Variants in STIM1 observed in about 807,000 individuals in gnomAD.
The protein encoded by STIM1 is stromal interaction molecule 1.
A neutral mutation model predicts 74.7 loss-of-function variants in STIM1; 25 were observed. The ratio of observed to expected loss-of-function variants is 0.33; its 90% CI spans 0.24 to 0.47. STIM1 has a LOEUF of 0.47. Among genes scored for constraint, STIM1 ranks in the 20% least tolerant of loss-of-function variants. The pLI, the probability that STIM1 is intolerant of heterozygous loss-of-function variation, is 1.00. For missense variants in STIM1, 728 were observed against 920.8 expected, an observed-to-expected ratio of 0.79 and a Z score of 2.71; for synonymous variants, 328 against 348.8, an observed-to-expected ratio of 0.94 and a Z score of 0.66.
At chr11:3,908,082 C>T (rs574551974) in intron 1 of STIM1, among the ~76,000 whole-genome samples, 1 of 152,220 alleles carries the variant, frequency 6.6e-6, no homozygotes, top group Non-Finnish European at 1.5e-5. Context: ...CTTGCACCCC[C>T]ACTCCCTGTT....
chr11:3,958,738 G>A (rs2093248884), intron 1 of STIM1, among the ~76,000 whole-genome samples: 1 of 152,046 alleles, frequency 6.6e-6, no homozygotes, highest in East Asian at 1.9e-4. Context: ...GGGAGACTGA[G>A]GCGGGTGGAT....
chr11:4,063,606 G>C (rs781379331), intron 5 of STIM1, among the ~76,000 whole-genome samples: 1 of 152,124 alleles, frequency 6.6e-6, no homozygotes, highest in Non-Finnish European at 1.5e-5. Flanking sequence ...TCACTTTATT[G>C]CTATATTAGC....
chr11:3,928,424 A>G (rs530086759), intron 1 of STIM1, among the ~76,000 whole-genome samples: 30 of 152,116 alleles, frequency 2.0e-4, no homozygotes, highest in African/African-American at 7.0e-4. Flanking sequence ...ACGAAGTTTC[A>G]CCGTGTTGGC....
In STIM1 at chr11:4,070,032, G is replaced by T. The variant is rs745319940; in HGVS notation, c.620G>T (p.Arg207Leu). 6.2e-7 allele frequency: 1 copy of T among 1,614,036 alleles called. No individual in the cohort carries two copies. The highest frequency in any genetic ancestry group is 1.7e-5 in the Admixed American group (1 of 60,014). The change falls in exon 6 of 13, where the codon CGC (arginine) becomes CTC (leucine). Residue 207 changes from arginine to leucine, a missense_variant. By Grantham distance (102) the Arg-to-Leu change is moderately radical. Coordinates refer to ENST00000526596, the MANE Select transcript of STIM1 (RefSeq NM_001382567.1). ...TVLFGPPLLT[R>L]HNHLKDFMLV... ...GCCCTCCCCTCTCTGGCAGTGACTCGCCATAATCACCTCAAGGACTTCATG... is the reference window on the plus strand; with the variant it reads ...GCCCTCCCCTCTCTGGCAGTGACTCTCCATAATCACCTCAAGGACTTCATG...
chr11:4,006,153 C>G (rs1363679062), intron 2 of STIM1, among the ~76,000 whole-genome samples: 1 of 152,144 alleles, frequency 6.6e-6, no homozygotes, highest in African/African-American at 2.4e-5. Context: ...ACCATCCCCT[C>G]TCAGTATTGA....
chr11:3,877,049 G>GT (rs2091327287), intron 1 of STIM1, among the ~76,000 whole-genome samples: 1 of 151,956 alleles, frequency 6.6e-6, no homozygotes, highest in Non-Finnish European at 1.5e-5. Context: ...TGGGAGAGTT[G>GT]TTTAAAAAAA....
At chr11:3,896,527 A>T (rs533004072) in intron 1 of STIM1, among the ~76,000 whole-genome samples, 6 of 152,328 alleles carry the variant, frequency 3.9e-5, no homozygotes, top group African/African-American at 1.4e-4. Flanking sequence ...CTGCCGATGC[A>T]ACACTAGGTA....
At chr11:4,069,879 T>C in intron 5 of STIM1, 147 bp from the exon 6 acceptor site, 1 of 862,482 alleles carries the variant, frequency 1.2e-6, no homozygotes, top group African/African-American at 1.7e-5. Context: ...GTATGGCAAG[T>C]GTGTATCTAA....
Position 4,084,691 on chromosome 11 carries a change from G to A in STIM1, c.1493G>A (p.Gly498Glu). ...ACCCTAGATGCTGCCTGGCTGATGG[G>A]GCGTAGGTTCAGTGACCGCTCTCTC... ...LSMQYAAWLM[G>E]RRFSDRSLCS... The change falls in exon 11 of 13, where the codon GGG becomes GAG. Residue 498 changes from glycine to glutamate, a missense_variant. By Grantham distance (98) the Gly-to-Glu change is moderately conservative. Coordinates refer to ENST00000526596, the MANE Select transcript of STIM1 (RefSeq NM_001382567.1). 1 of 1,289,396 alleles carries A rather than the reference G, an allele frequency of 7.8e-7. No individual in the cohort carries two copies. Among genetic ancestry groups the A allele is most frequent in the Non-Finnish European group, 1.0e-6 (1 of 988,866 alleles). 79.9% of individuals were successfully genotyped at this position (1,289,396 alleles called of 1,614,324 possible).
intron 2 of STIM1, among the ~76,000 whole-genome samples, chr11:4,017,714 A>G (rs1252545801): frequency 6.6e-6 from 1 of 152,206 alleles, no homozygotes; most frequent in Non-Finnish European, 1.5e-5. Context: ...TATATCTTGA[A>G]GAACCTGATT....
chr11:3,905,038 G>T (rs1442208513), intron 1 of STIM1, among the ~76,000 whole-genome samples: 1 of 152,092 alleles, frequency 6.6e-6, no homozygotes, highest in East Asian at 1.9e-4. Flanking sequence ...GAAAAGTTAG[G>T]GAGGGAGCCT....
intron 2 of STIM1, among the ~76,000 whole-genome samples, chr11:4,022,665 A>G (rs944049190): frequency 1.3e-5 from 2 of 152,174 alleles, no homozygotes; most frequent in African/African-American, 2.4e-5. Context: ...TTGATTGCAG[A>G]GCTGGGGGCT....
chr11:3,947,100 G>GTTTTTTTTTTTTTTTTTTTTTTTT (rs57701004), intron 1 of STIM1, among the ~76,000 whole-genome samples: 1 of 139,350 alleles, frequency 7.2e-6, no homozygotes. Flanking sequence ...CATTCTTAGT[G>GTTTTTTTTTTTTTTTTTTTTTTTT]TTTTTTTTTT....
intron 3 of STIM1, among the ~76,000 whole-genome samples, chr11:4,043,608 G>A (rs1201121279): frequency 6.6e-6 from 1 of 152,066 alleles, no homozygotes; most frequent in African/African-American, 2.4e-5. Context: ...TAATTTTTAT[G>A]TGTGTTTTAC....
At chr11:4,053,963 A>G (rs2133076096) in intron 3 of STIM1, among the ~76,000 whole-genome samples, 1 of 152,278 alleles carries the variant, frequency 6.6e-6, no homozygotes, top group East Asian at 1.9e-4. Context: ...AATGATGGAA[A>G]TGTTGTATAG....
At chr11:3,951,310 C>T (rs958067847) in intron 1 of STIM1, among the ~76,000 whole-genome samples, 12 of 152,200 alleles carry the variant, frequency 7.9e-5, no homozygotes, top group Admixed American at 5.9e-4. Flanking sequence ...TTAGTAGATG[C>T]TGTTGGTTAT....
In STIM1 at chr11:4,060,808, A is replaced by G. The variant is rs554904971; in HGVS notation, c.613+1412A>G. On this transcript the variant is annotated intron_variant, in intron 5 of 12. Coordinates refer to ENST00000526596, the MANE Select transcript of STIM1 (RefSeq NM_001382567.1). ...AACAAATATAGTAAGTGTTATAGCT[A>G]TTATGTAAGTCTTTCCAGAGTTCAA... Among the ~76,000 whole-genome samples, 4 of 152,360 alleles carry G rather than the reference A, an allele frequency of 2.6e-5. No individual in the cohort carries two copies. The South Asian group carries it at 8.3e-4, about 32-fold the overall frequency.
At chr11:4,026,725 G>C (rs1454729074) in intron 3 of STIM1, among the ~76,000 whole-genome samples, 1 of 152,164 alleles carries the variant, frequency 6.6e-6, no homozygotes, top group Non-Finnish European at 1.5e-5. Flanking sequence ...ATCAGGACCA[G>C]CCAAAAGAAG....
chr11:4,018,171 T>C (rs10835500), intron 2 of STIM1, among the ~76,000 whole-genome samples: 115,593 of 150,886 alleles, frequency 0.77, 45,356 homozygotes, highest in East Asian at 0.9. Context: ...CAAAATTGGC[T>C]GGGCGCGGTG....
Sources: gnomAD v4.1 joint callset for allele counts (sites outside exome capture counted in the v4.1 genomes callset) on GRCh38, gnomAD v4.1.1 for gene constraint, MANE v1.5 for transcripts, NCBI Gene and HGNC (gene_info 2026-07-23, HGNC 2026-07-21) for gene names.